MMD: variants seen among roughly 807,000 people sequenced by gnomAD.
MMD encodes the protein monocyte to macrophage differentiation factor.
MMD carries 22 observed loss-of-function variants against 33.6 expected under a neutral mutation model. That is an observed-to-expected ratio of 0.66 (90% confidence interval 0.47 to 0.94). The LOEUF (loss-of-function observed/expected upper bound fraction) is 0.94. MMD is among the 40% of genes least tolerant of loss of function. The pLI is 0.00. For missense variants in MMD, 242 were observed against 309.8 expected, an observed-to-expected ratio of 0.78 and a Z score of 1.64; for synonymous variants, 97 against 103.2, an observed-to-expected ratio of 0.94 and a Z score of 0.36.
In MMD at chr17:55,411,417, A is replaced by T. The variant is rs983389554; in HGVS notation, c.109T>A (p.Phe37Ile). 1.3e-5 allele frequency: 21 copies of T among 1,608,318 alleles called. No individual in the cohort carries two copies. Among genetic ancestry groups the T allele is most frequent in the Admixed American group, 1.7e-5 (1 of 58,252 alleles). ...EHAANCYTHAFLIVPAIVGSA... is the reference protein window; with the variant it reads ...EHAANCYTHAILIVPAIVGSA... ...CCCACGATGGCCGGAACAATGAGGAACTGAGGGAAAGATAAAGAATGGTGA... is the reference window on the plus strand; with the variant it reads ...CCCACGATGGCCGGAACAATGAGGATCTGAGGGAAAGATAAAGAATGGTGA... Residue 37 changes from phenylalanine to isoleucine, a missense_variant and splice_region_variant, in exon 3 of 7, where the codon TTC (phenylalanine) becomes ATC (isoleucine). Phe to Ile is a conservative substitution (Grantham distance 21). Transcript: ENST00000262065.
chr17:55,396,492 GT>G (rs1363173520), intron 6 of MMD, among the ~76,000 whole-genome samples: 1 of 152,026 alleles, frequency 6.6e-6, no homozygotes, highest in East Asian at 1.9e-4. Context: ...CTTTGTTTCC[GT>G]TTTCCAATTT....
chr17:55,393,263 A>C lies in MMD; in HGVS notation c.*1071T>G, dbSNP rs1325353337. 6.6e-6 allele frequency: 1 copy of C among 152,132 alleles called. No individual in the cohort carries two copies. Among genetic ancestry groups the C allele is most frequent in the African/African-American group, 2.4e-5 (1 of 41,448 alleles). 9.4% of individuals were successfully genotyped at this position (152,132 alleles called of 1,614,324 possible). A position where few individuals can be genotyped will look rare whatever the true frequency, so the allele number is the denominator to read the frequency against. ...ATATTTTTTCTAGGAAAAAAAAAAA[A>C]AAACACAATATATGAGAAGATGCAA... On this transcript the variant is annotated 3_prime_UTR_variant, in exon 7 of 7. Transcript: ENST00000262065.
At chr17:55,395,907 G>A (rs912723709) in intron 6 of MMD, among the ~76,000 whole-genome samples, 3 of 152,134 alleles carry the variant, frequency 2.0e-5, no homozygotes, top group African/African-American at 7.2e-5. Context: ...ATTCGCAAAG[G>A]GGCACAGGGA....
At chr17:55,411,857 G>T (rs975861100) in intron 2 of MMD, among the ~76,000 whole-genome samples, 1 of 152,094 alleles carries the variant, frequency 6.6e-6, no homozygotes, top group Non-Finnish European at 1.5e-5. Context: ...CAGGAGAATC[G>T]CTTGAGCCCT....
chr17:55,404,921 G>A (rs927755140), intron 4 of MMD: 1 of 193,118 alleles, frequency 5.2e-6, no homozygotes, highest in Non-Finnish European at 9.5e-6. Context: ...AGTTAGCTGG[G>A]CATGGTGGTG....
At chr17:55,421,450 CGAGG>C (rs1908184760) in intron 1 of MMD, among the ~76,000 whole-genome samples, 1 of 152,302 alleles carries the variant, frequency 6.6e-6, no homozygotes, top group Admixed American at 6.5e-5. Flanking sequence ...CCGCAGATCG[CGAGG>C]GGAGACCCGG....
intron 4 of MMD, chr17:55,404,825 G>A: frequency 1.1e-6 from 1 of 886,132 alleles, no homozygotes; most frequent in South Asian, 5.2e-5. Context: ...ACTTTGGGAG[G>A]CCAAGGCAGG....
chr17:55,414,181 A>G lies in MMD; in HGVS notation c.78T>C (p.Tyr26=). The change falls in exon 2 of 7, where the codon TAT becomes TAC. Residue 26 remains tyrosine (Y), a synonymous_variant. Transcript: ENST00000262065. ...GTGTGTAACAGTTAGCAGCATGTTC[A>G]TAGCAAGTTGGCTTGTAGCGGCCAT... ...PANGRYKPTC[Y]EHAANCYTHA... The G allele has an allele frequency of 6.2e-7, 1 of 1,613,976 alleles. No homozygotes were observed. The highest frequency in any genetic ancestry group is 2.2e-5 in the East Asian group (1 of 44,890).
chr17:55,411,347 A>G lies in MMD; in HGVS notation c.179T>C (p.Ile60Thr). ...HRLSDDCWEKITAWIYGMGLC... is the reference protein window; with the variant it reads ...HRLSDDCWEKTTAWIYGMGLC... ...TCCCATTCCATAAATCCATGCTGTT[A>G]TCTTTTCCCAGCAGTCATCAGACAG... The change falls in exon 3 of 7, where the codon ATA becomes ACA. Residue 60 changes from isoleucine (I) to threonine (T), a missense_variant. Ile to Thr is a moderately conservative substitution (Grantham distance 89). Coordinates refer to ENST00000262065, the MANE Select transcript of MMD (RefSeq NM_012329.3). 6.2e-7 allele frequency: 1 copy of G among 1,614,112 alleles called. No homozygotes were observed. Among genetic ancestry groups the G allele is most frequent in the Non-Finnish European group, 8.5e-7 (1 of 1,179,992 alleles).
At chr17:55,420,860 A>G (rs1261536057) in intron 1 of MMD, among the ~76,000 whole-genome samples, 1 of 152,118 alleles carries the variant, frequency 6.6e-6, no homozygotes, top group African/African-American at 2.4e-5. Context: ...TAGACGGTGG[A>G]GCCCCAGAGG....
Position 55,397,974 on chromosome 17 carries a change from G to A in MMD, c.517-3440C>T, listed in dbSNP as rs186287126. On this transcript the variant is annotated intron_variant, in intron 6 of 6. Coordinates refer to ENST00000262065, the MANE Select transcript of MMD (RefSeq NM_012329.3). ...ATTTTAAGGTCTTGTCTTTGCCTTTGTTTTTTAGTAATTTGACTTTAATGT... is the reference window on the plus strand; with the variant it reads ...ATTTTAAGGTCTTGTCTTTGCCTTTATTTTTTAGTAATTTGACTTTAATGT... Among the ~76,000 whole-genome samples, 121 of 151,680 alleles carry A rather than the reference G, an allele frequency of 8.0e-4. 1 individual carries two copies. Among genetic ancestry groups the A allele is most frequent in the East Asian group, 7.5e-3 (39 of 5,182 alleles).
chr17:55,404,360 A>G (rs1217750551), intron 4 of MMD: 2 of 757,738 alleles, frequency 2.6e-6, no homozygotes, highest in South Asian at 6.1e-5. Flanking sequence ...ACCTAAAAAA[A>G]AAAAAGAATT....
At chr17:55,394,885 T>TA (rs1213213985) in intron 6 of MMD, among the ~76,000 whole-genome samples, 1 of 152,246 alleles carries the variant, frequency 6.6e-6, no homozygotes, top group Non-Finnish European at 1.5e-5. Context: ...TCTTCCCCTT[T>TA]AAATGCTTCC....
At chr17:55,418,946 C>G (rs138650847) in intron 1 of MMD, among the ~76,000 whole-genome samples, 25 of 152,252 alleles carry the variant, frequency 1.6e-4, no homozygotes, top group African/African-American at 5.3e-4. Flanking sequence ...CAGTAGAGCT[C>G]TGTGGATCTT....
At chr17:55,395,339 C>T (rs1018320236) in intron 6 of MMD, among the ~76,000 whole-genome samples, 7 of 152,186 alleles carry the variant, frequency 4.6e-5, no homozygotes, top group Non-Finnish European at 1.0e-4. Flanking sequence ...AGTTAGTCCC[C>T]TGGATTTCTG....
intron 3 of MMD, among the ~76,000 whole-genome samples, chr17:55,410,830 C>T (rs976362997): frequency 6.6e-6 from 1 of 152,162 alleles, no homozygotes; most frequent in Non-Finnish European, 1.5e-5. Context: ...ACTGAGGCTC[C>T]ACAAGGTCAA....
In MMD at chr17:55,392,782, T is replaced by A. The variant is rs1375770229; in HGVS notation, c.*1552A>T. The A allele has an allele frequency of 1.3e-5, 2 of 152,420 alleles. No homozygotes were observed. The highest frequency in any genetic ancestry group is 6.5e-5 in the Admixed American group (1 of 15,272). 9.4% of individuals were successfully genotyped at this position (152,420 alleles called of 1,614,324 possible). Reference sequence around the variant, plus strand: ...ACAACAGGCATCCAGATGTTCAGAATCATGCAGATAGGAGTGGTTTGGTTG... The same window carrying A: ...ACAACAGGCATCCAGATGTTCAGAAACATGCAGATAGGAGTGGTTTGGTTG... On this transcript the variant is annotated 3_prime_UTR_variant, in exon 7 of 7. Transcript: ENST00000262065.
rs779024876 is a variant in MMD, at chr17:55,407,778, G to T, written c.312C>A (p.Ile104=). The part of the protein sequence containing the change: ...HCFHMCDRMV[I]YFFIAASYAP... ...CATAAGAAGCAGCAATGAAGAAATAGATAACCATTCTATCACACATGTGAA... is the reference window on the plus strand; with the variant it reads ...CATAAGAAGCAGCAATGAAGAAATATATAACCATTCTATCACACATGTGAA... Residue 104 remains isoleucine (I), a synonymous_variant, in exon 4 of 7, where the codon ATC becomes ATA. Transcript: ENST00000262065. The T allele has an allele frequency of 4.4e-6, 7 of 1,599,330 alleles. No individual in the cohort carries two copies. The African/African-American group carries it at 5.4e-5, about 12-fold the overall frequency.
chr17:55,418,590 A>C (rs1908059124), intron 1 of MMD, among the ~76,000 whole-genome samples: 1 of 152,224 alleles, frequency 6.6e-6, no homozygotes, highest in Admixed American at 6.5e-5. Flanking sequence ...GCAACGTATA[A>C]GTGGACCCCT....
Sources: gnomAD v4.1 joint callset for allele counts (sites outside exome capture counted in the v4.1 genomes callset) on GRCh38, gnomAD v4.1.1 for gene constraint, MANE v1.5 for transcripts, NCBI Gene and HGNC (gene_info 2026-07-23, HGNC 2026-07-21) for gene names.